The following SLC9A9 variants were observed in gnomAD, a reference collection of about 807,000 sequenced individuals.
SLC9A9 encodes the protein sodium/hydrogen exchanger 9.
SLC9A9 carries 62 observed loss-of-function variants against 77.8 expected under a neutral mutation model. That is an observed-to-expected ratio of 0.80 (90% CI 0.65 to 0.98). The LOEUF is 0.98. SLC9A9 is among the 50% of genes least tolerant of loss of function. The pLI is 0.00. For synonymous variants in SLC9A9, 320 were observed against 283.5 expected (o/e 1.13, Z -1.29); for missense variants, 775 against 774.9 (o/e 1.00, Z 0.00).
Position 143,265,896 on chromosome 3 carries a change from G to C in SLC9A9, c.*806C>G. On this transcript the variant is annotated 3_prime_UTR_variant, in exon 16 of 16. Coordinates refer to ENST00000316549, the MANE Select transcript of SLC9A9 (RefSeq NM_173653.4). ...CCCTCCAGCATATCGCGGGGAGGGG[G>C]GGACCTGCTGCACAGCCAAGAAGTG... The C allele has an allele frequency of 3.3e-6, 2 of 607,960 alleles. No homozygotes were observed. Among genetic ancestry groups the C allele is most frequent in the Middle Eastern group, 4.4e-4 (1 of 2,296 alleles). 37.7% of individuals were successfully genotyped at this position (607,960 alleles called of 1,614,324 possible). A position where few individuals can be genotyped will look rare whatever the true frequency, so the allele number is the denominator to read the frequency against.
intron 2 of SLC9A9, among the ~76,000 whole-genome samples, chr3:143,820,416 C>T (rs1376097607): frequency 6.6e-6 from 1 of 152,242 alleles, no homozygotes; most frequent in East Asian, 1.9e-4. Context: ...GATGCACAAA[C>T]TCACCTTTGC....
intron 11 of SLC9A9, among the ~76,000 whole-genome samples, chr3:143,490,298 G>A (rs2035718202): frequency 6.6e-6 from 1 of 152,116 alleles, no homozygotes; most frequent in Admixed American, 6.5e-5. Context: ...GAATAGATAA[G>A]TAAAATGTGA....
chr3:143,363,667 C>A (rs2032818350), intron 13 of SLC9A9, 104 bp from the exon 14 acceptor site: 2 of 1,070,402 alleles, frequency 1.9e-6, no homozygotes, highest in Non-Finnish European at 2.7e-6. Flanking sequence ...TTAAAAAAAA[C>A]CTTTCTAAGT....
At chr3:143,341,949 G>C (rs1192154269) in intron 14 of SLC9A9, among the ~76,000 whole-genome samples, 1 of 152,170 alleles carries the variant, frequency 6.6e-6, no homozygotes, top group African/African-American at 2.4e-5. Flanking sequence ...GACCCATGCA[G>C]ATGAAGAGCC....
At chr3:143,734,056 G>T (rs1330460551) in intron 4 of SLC9A9, among the ~76,000 whole-genome samples, 1 of 152,076 alleles carries the variant, frequency 6.6e-6, no homozygotes, top group African/African-American at 2.4e-5. Flanking sequence ...AATTAGTTGG[G>T]TGTGGTGGTG....
chr3:143,502,703 C>T (rs956012091), intron 9 of SLC9A9, among the ~76,000 whole-genome samples: 2 of 152,118 alleles, frequency 1.3e-5, no homozygotes, highest in African/African-American at 4.8e-5. Context: ...AACCTGCTGA[C>T]TTTCATCTAC....
intron 4 of SLC9A9, among the ~76,000 whole-genome samples, chr3:143,776,373 C>G (rs2007692221): frequency 6.6e-6 from 1 of 152,128 alleles, no homozygotes; most frequent in Non-Finnish European, 1.5e-5. Context: ...ACCCCCAGTA[C>G]TGTGATGTTC....
intron 6 of SLC9A9, among the ~76,000 whole-genome samples, chr3:143,582,446 A>G (rs977349253): frequency 6.6e-6 from 1 of 152,168 alleles, no homozygotes; most frequent in East Asian, 1.9e-4. Flanking sequence ...CATCATCATC[A>G]TTCTGCTGAG....
At chr3:143,323,026 A>G (rs2031470279) in intron 14 of SLC9A9, among the ~76,000 whole-genome samples, 1 of 152,230 alleles carries the variant, frequency 6.6e-6, no homozygotes, top group Non-Finnish European at 1.5e-5. Flanking sequence ...CAAAACTACA[A>G]TGAGATATCT....
At chr3:143,487,991 A>G (rs961626811) in intron 11 of SLC9A9, among the ~76,000 whole-genome samples, 2 of 151,850 alleles carry the variant, frequency 1.3e-5, no homozygotes, top group African/African-American at 4.8e-5. Flanking sequence ...CAAACCTTTA[A>G]CTAGATGGAC....
At chr3:143,776,658 A>G (rs1246068037) in intron 4 of SLC9A9, among the ~76,000 whole-genome samples, 3 of 152,210 alleles carry the variant, frequency 2.0e-5, no homozygotes, top group Non-Finnish European at 4.4e-5. Context: ...AATTGAAATT[A>G]ATAAAATGAA....
chr3:143,731,398 T>C (rs1397545793), intron 4 of SLC9A9, among the ~76,000 whole-genome samples: 2 of 152,176 alleles, frequency 1.3e-5, no homozygotes, highest in Non-Finnish European at 2.9e-5. Flanking sequence ...TAGGCCTCTG[T>C]AGGGCCTGTA....
At chr3:143,313,536 T>C (rs1268032867) in intron 14 of SLC9A9, among the ~76,000 whole-genome samples, 1 of 152,174 alleles carries the variant, frequency 6.6e-6, no homozygotes, top group Non-Finnish European at 1.5e-5. Flanking sequence ...CCTGACAGCC[T>C]TTTTGGTCAT....
At chr3:143,714,322 T>G (rs978397381) in intron 4 of SLC9A9, among the ~76,000 whole-genome samples, 7 of 152,186 alleles carry the variant, frequency 4.6e-5, no homozygotes, top group African/African-American at 1.7e-4. Flanking sequence ...TTCCAGTGTC[T>G]CTTTTCTTCA....
rs201303837 is a variant in SLC9A9 at position 143,808,488 on chromosome 3, AGCTTG to A, written c.379-11590_379-11586del. On this transcript the variant is annotated intron_variant, in intron 2 of 15. Transcript: ENST00000316549. The stretch of plus-strand genomic sequence containing the variant: ...AGTACATTTGACTTTTGGTGTACAA[AGCTTG>A]GCTTGTAATTATCTTTTGAAGAGAA... Among the ~76,000 whole-genome samples, 1,385 of 152,344 alleles carry A rather than the reference AGCTTG, an allele frequency of 9.1e-3. 19 individuals carry two copies. The highest frequency in any genetic ancestry group is 0.031 in the African/African-American group (1,300 of 41,572).
At chr3:143,465,672 G>A (rs971636451) in intron 12 of SLC9A9, among the ~76,000 whole-genome samples, 2 of 152,040 alleles carry the variant, frequency 1.3e-5, no homozygotes, top group African/African-American at 4.8e-5. Context: ...ATTGAATTTT[G>A]TTTTCCAGAA....
chr3:143,379,686 C>T (rs1295325484), intron 13 of SLC9A9, among the ~76,000 whole-genome samples: 9 of 152,120 alleles, frequency 5.9e-5, no homozygotes, highest in Non-Finnish European at 1.2e-4. Context: ...AGTGATGTTT[C>T]GTGTCACTTG....
At chr3:143,599,043 G>A (rs1304058803) in intron 6 of SLC9A9, among the ~76,000 whole-genome samples, 1 of 152,224 alleles carries the variant, frequency 6.6e-6, no homozygotes, top group Non-Finnish European at 1.5e-5. Context: ...AGATTCAAAT[G>A]AGTTACCCCC....
intron 12 of SLC9A9, among the ~76,000 whole-genome samples, chr3:143,421,211 C>T (rs2034291253): frequency 6.6e-6 from 1 of 152,102 alleles, no homozygotes; most frequent in Non-Finnish European, 1.5e-5. Flanking sequence ...TCTACAGATT[C>T]AATGCTATTC....
Sources: gnomAD v4.1 joint callset for allele counts (sites outside exome capture counted in the v4.1 genomes callset) on GRCh38, gnomAD v4.1.1 for gene constraint, MANE v1.5 for transcripts, NCBI Gene and HGNC (gene_info 2026-07-23, HGNC 2026-07-21) for gene names.